The following SPAG1 variants were observed in gnomAD, a reference collection of about 807,000 sequenced individuals.
SPAG1 encodes the protein sperm associated antigen 1.
Under a neutral mutation model 100.5 loss-of-function variants are expected in SPAG1, and 69 were observed. The observed-to-expected ratio is 0.69, with a 90% CI of 0.57 to 0.84. The LOEUF is 0.84. SPAG1 is among the 40% of genes least tolerant of loss of function. SPAG1 has a pLI of 0.00. For missense variants in SPAG1, 955 were observed against 1,133.1 expected (o/e 0.84, Z 2.26); for synonymous variants, 336 against 411.6 (o/e 0.82, Z 2.22).
intron 10 of SPAG1, among the ~76,000 whole-genome samples, chr8:100,209,536 T>A (rs973701394): frequency 1.3e-5 from 2 of 151,722 alleles, no homozygotes; most frequent in Admixed American, 1.3e-4. Flanking sequence ...TTAAGGATTG[T>A]CTTTTCCATT....
intron 3 of SPAG1, among the ~76,000 whole-genome samples, chr8:100,171,071 G>C (rs1472405279): frequency 6.6e-6 from 1 of 151,984 alleles, no homozygotes; most frequent in African/African-American, 2.4e-5. Context: ...TTTGAATTTT[G>C]TGAAATGCTT....
At chr8:100,173,748 A>G (rs1478454879) in intron 3 of SPAG1, among the ~76,000 whole-genome samples, 3 of 152,216 alleles carry the variant, frequency 2.0e-5, no homozygotes, top group Non-Finnish European at 4.4e-5. Flanking sequence ...CTAACAATAG[A>G]TGATTTTTAA....
intron 4 of SPAG1, among the ~76,000 whole-genome samples, chr8:100,178,158 G>A (rs1816211094): frequency 1.3e-5 from 2 of 152,122 alleles, no homozygotes; most frequent in South Asian, 4.1e-4. Context: ...TTCCTTTGAA[G>A]TCCTGCATCT....
In SPAG1 at chr8:100,162,315, T is replaced by C. The variant is rs745741390; in HGVS notation, c.35T>C (p.Phe12Ser). The change falls in exon 2 of 19, where the codon TTT (phenylalanine) becomes TCT (serine). Residue 12 changes from phenylalanine (F) to serine (S), a missense_variant. Coordinates refer to ENST00000388798, the MANE Select transcript of SPAG1 (RefSeq NM_003114.5). ...AAAGATTATCCATCATTGTGGGGCT[T>C]TGGAACAACAAAAACATTCAAAATT... ...TTKDYPSLWGFGTTKTFKIPI... is the reference protein window; with the variant it reads ...TTKDYPSLWGSGTTKTFKIPI... 6.2e-7 allele frequency: 1 copy of C among 1,606,116 alleles called. No homozygotes were observed. The highest frequency in any genetic ancestry group is 2.2e-5 in the East Asian group (1 of 44,768).
intron 8 of SPAG1, among the ~76,000 whole-genome samples, chr8:100,189,633 G>T (rs1255777264): frequency 6.6e-6 from 1 of 152,122 alleles, no homozygotes; most frequent in African/African-American, 2.4e-5. Flanking sequence ...TCAGCCTAGG[G>T]GACAAAGAAA....
intron 8 of SPAG1, among the ~76,000 whole-genome samples, chr8:100,189,900 T>G (rs1184148682): frequency 2.0e-5 from 3 of 152,202 alleles, no homozygotes; most frequent in Non-Finnish European, 4.4e-5. Flanking sequence ...TTAATTAAAT[T>G]TATAACAAAA....
chr8:100,238,952 A>G (rs1242634004), intron 16 of SPAG1, among the ~76,000 whole-genome samples: 1 of 152,232 alleles, frequency 6.6e-6, no homozygotes, highest in Non-Finnish European at 1.5e-5. Flanking sequence ...GCAAGCAACA[A>G]GTGCTTATCA....
intron 2 of SPAG1, among the ~76,000 whole-genome samples, chr8:100,164,639 G>A (rs1485411581): frequency 1.3e-5 from 2 of 152,144 alleles, no homozygotes; most frequent in East Asian, 3.9e-4. Flanking sequence ...TGGCCAGGCT[G>A]TTCTCGAACA....
chr8:100,225,828 C>T (rs1452587845), intron 14 of SPAG1, among the ~76,000 whole-genome samples: 2 of 151,542 alleles, frequency 1.3e-5, no homozygotes, highest in South Asian at 2.1e-4. Flanking sequence ...CATGTAAAAG[C>T]GTTTTTTGTT....
chr8:100,167,705 A>T (rs930891934), intron 3 of SPAG1, among the ~76,000 whole-genome samples: 13 of 152,250 alleles, frequency 8.5e-5, no homozygotes, highest in African/African-American at 3.1e-4. Context: ...GATAAAATTT[A>T]CATTCCATAT....
At chr8:100,178,656 T>A (rs971637456) in intron 4 of SPAG1, among the ~76,000 whole-genome samples, 2 of 152,346 alleles carry the variant, frequency 1.3e-5, no homozygotes, top group Admixed American at 6.5e-5. Flanking sequence ...AATTTTATTT[T>A]AAAAACATCC....
intron 10 of SPAG1, chr8:100,194,577 T>G (rs1189102716): frequency 5.9e-6 from 3 of 508,868 alleles, no homozygotes; most frequent in Middle Eastern, 4.9e-4. Context: ...TATCTCTCTT[T>G]GATAATTGTT....
intron 13 of SPAG1, among the ~76,000 whole-genome samples, chr8:100,223,349 AT>A (rs1818364501): frequency 1.3e-5 from 2 of 152,302 alleles, no homozygotes; most frequent in African/African-American, 4.8e-5. Context: ...TATTTGTTAT[AT>A]GTACTCAGGA....
intron 10 of SPAG1, among the ~76,000 whole-genome samples, chr8:100,202,528 G>A (rs1817324028): frequency 6.7e-6 from 1 of 150,266 alleles, no homozygotes; most frequent in South Asian, 2.1e-4. Flanking sequence ...GGCTAACACG[G>A]TGAAACCCCG....
intron 15 of SPAG1, among the ~76,000 whole-genome samples, chr8:100,231,990 A>T (rs1290583745): frequency 6.7e-6 from 1 of 150,216 alleles, no homozygotes; most frequent in Admixed American, 6.6e-5. Flanking sequence ...TGTCTTAGGG[A>T]GAATGCCCTT....
At chr8:100,199,243 G>T (rs1402377441) in intron 10 of SPAG1, among the ~76,000 whole-genome samples, 1 of 152,160 alleles carries the variant, frequency 6.6e-6, no homozygotes, top group Non-Finnish European at 1.5e-5. Context: ...TGCAATAAGG[G>T]TTCCAATTTC....
chr8:100,166,615 A>C (rs182322050), intron 3 of SPAG1, among the ~76,000 whole-genome samples: 38 of 152,228 alleles, frequency 2.5e-4, no homozygotes, highest in Admixed American at 1.3e-3. Flanking sequence ...ATTATAATTC[A>C]AATTGCTTGG....
intron 9 of SPAG1, among the ~76,000 whole-genome samples, chr8:100,192,510 C>T (rs1816857458): frequency 6.6e-6 from 1 of 152,052 alleles, no homozygotes; most frequent in Non-Finnish European, 1.5e-5. Context: ...TTAGAGATGT[C>T]CAGAAAGAAG....
chr8:100,202,390 T>C (rs1817314704), intron 10 of SPAG1, among the ~76,000 whole-genome samples: 1 of 151,568 alleles, frequency 6.6e-6, no homozygotes, highest in Admixed American at 6.6e-5. Context: ...CTTTTCCTAC[T>C]GAATAGACTT....
Sources: allele counts gnomAD v4.1 joint callset (sites outside exome capture counted in the v4.1 genomes callset), GRCh38; gene constraint gnomAD v4.1.1; transcripts MANE v1.5; gene names NCBI Gene and HGNC (gene_info 2026-07-23, HGNC 2026-07-21).